Variants in ANO3 observed in about 807,000 individuals in gnomAD.
ANO3 encodes anoctamin-3.
ANO3 carries 99 observed loss-of-function variants against 144.8 expected under a neutral mutation model. That is an observed-to-expected ratio of 0.68 (90% CI 0.58 to 0.81). The LOEUF is 0.81. Ranked by LOEUF, ANO3 falls within the 30% of genes least tolerant of loss-of-function variation. ANO3 has a pLI of 0.00. For synonymous variants in ANO3, 414 were observed against 392.6 expected, an observed-to-expected ratio of 1.05 and a Z score of -0.64; for missense variants, 905 against 1,202.2, an observed-to-expected ratio of 0.75 and a Z score of 3.66.
intron 11 of ANO3, among the ~76,000 whole-genome samples, 179 bp downstream of exon 11, chr11:26,542,247 G>A (rs907281300): frequency 7.9e-5 from 12 of 152,102 alleles, no homozygotes; most frequent in African/African-American, 2.2e-4. Context: ...GGATGGGAGA[G>A]CTGAGAAATC....
At chr11:26,291,596 C>T (rs1333108813) in intron 1 of ANO3, among the ~76,000 whole-genome samples, 1 of 152,158 alleles carries the variant, frequency 6.6e-6, no homozygotes, top group East Asian at 1.9e-4. Flanking sequence ...TCTTGTAAGG[C>T]AGGCCTGGTG....
chr11:26,503,482 T>C (rs1264944463), intron 4 of ANO3, among the ~76,000 whole-genome samples: 2 of 152,168 alleles, frequency 1.3e-5, no homozygotes, highest in African/African-American at 4.8e-5. Flanking sequence ...AGTATACCAC[T>C]ATTAACCTTA....
chr11:26,403,847 G>T (rs1309195640), intron 1 of ANO3, among the ~76,000 whole-genome samples: 4 of 151,736 alleles, frequency 2.6e-5, no homozygotes, highest in African/African-American at 9.7e-5. Flanking sequence ...TAAAATTCAA[G>T]ACCTTTACAC....
chr11:26,462,728 G>A (rs1859458539), intron 3 of ANO3, among the ~76,000 whole-genome samples: 2 of 151,700 alleles, frequency 1.3e-5, no homozygotes, highest in Middle Eastern at 3.4e-3. Context: ...TTTTTTTCAT[G>A]GTTCCAATTT....
chr11:26,205,287 C>T (rs1041137318), intron 1 of ANO3, among the ~76,000 whole-genome samples: 7 of 152,134 alleles, frequency 4.6e-5, no homozygotes, highest in African/African-American at 1.7e-4. Flanking sequence ...AGAGAAAATC[C>T]TCATTTGCAT....
chr11:26,238,907 T>C (rs1198367744), intron 1 of ANO3, among the ~76,000 whole-genome samples: 2 of 151,878 alleles, frequency 1.3e-5, no homozygotes, highest in African/African-American at 4.8e-5. Flanking sequence ...ATTTGGAAAA[T>C]GTAAATAAAA....
intron 1 of ANO3, among the ~76,000 whole-genome samples, chr11:26,327,025 C>G (rs1854902422): frequency 6.6e-6 from 1 of 152,108 alleles, no homozygotes; most frequent in Non-Finnish European, 1.5e-5. Flanking sequence ...GAAATAAAGT[C>G]ATGAAGCTAT....
At chr11:26,495,126 A>C (rs141362984) in intron 4 of ANO3, among the ~76,000 whole-genome samples, 77 of 132,736 alleles carry the variant, frequency 5.8e-4, no homozygotes, top group African/African-American at 2.2e-3. Flanking sequence ...TTTATTTGAG[A>C]CAGGGTCTTG....
intron 1 of ANO3, among the ~76,000 whole-genome samples, chr11:26,338,538 A>C (rs1423179352): frequency 6.6e-6 from 1 of 152,198 alleles, no homozygotes; most frequent in East Asian, 1.9e-4. Flanking sequence ...GCAGCAACCC[A>C]CTGGGGTCCC....
At chr11:26,370,278 T>C (rs1856212244) in intron 1 of ANO3, among the ~76,000 whole-genome samples, 1 of 152,198 alleles carries the variant, frequency 6.6e-6, no homozygotes, top group African/African-American at 2.4e-5. Flanking sequence ...TCAGCTCTCA[T>C]TAATCTTTTT....
intron 2 of ANO3, among the ~76,000 whole-genome samples, chr11:26,442,698 C>A (rs1858564412): frequency 6.6e-6 from 1 of 152,172 alleles, no homozygotes; most frequent in Non-Finnish European, 1.5e-5. Flanking sequence ...CTTTAGACAA[C>A]TCCCTTTTAT....
At chr11:26,374,483 G>A (rs552173319) in intron 1 of ANO3, among the ~76,000 whole-genome samples, 37 of 152,252 alleles carry the variant, frequency 2.4e-4, no homozygotes, top group African/African-American at 8.9e-4. Context: ...AAAGATCACA[G>A]AACTTGGACA....
intron 1 of ANO3, among the ~76,000 whole-genome samples, chr11:26,193,801 G>T (rs1382859704): frequency 6.6e-6 from 1 of 152,098 alleles, no homozygotes; most frequent in Non-Finnish European, 1.5e-5. Context: ...GACAGAAGTA[G>T]AAGTTGCCTA....
intron 3 of ANO3, among the ~76,000 whole-genome samples, chr11:26,459,516 C>G (rs959121952): frequency 2.6e-5 from 4 of 151,648 alleles, no homozygotes; most frequent in African/African-American, 9.7e-5. Context: ...ATTGAATGAA[C>G]TATGTGTCAG....
chr11:26,346,608 G>C (rs1855501722), intron 1 of ANO3, among the ~76,000 whole-genome samples: 1 of 152,170 alleles, frequency 6.6e-6, no homozygotes, highest in Non-Finnish European at 1.5e-5. Context: ...ATTGGGATTG[G>C]AAATGACAAG....
At chr11:26,632,053 A>G (rs966604257) in intron 18 of ANO3, among the ~76,000 whole-genome samples, 1 of 151,842 alleles carries the variant, frequency 6.6e-6, no homozygotes, top group African/African-American at 2.4e-5. Context: ...TTAGCCAAGC[A>G]TGGTGTCGGG....
At chr11:26,351,862 T>A (rs1855653459) in intron 1 of ANO3, among the ~76,000 whole-genome samples, 1 of 152,190 alleles carries the variant, frequency 6.6e-6, no homozygotes, top group African/African-American at 2.4e-5. Context: ...GGATCCTAGT[T>A]TGACCGCACT....
rs920860902 is a variant in ANO3 at position 26,332,168 on chromosome 11, A to G, written c.-108A>G. The G allele has an allele frequency of 3.8e-6, 6 of 1,599,736 alleles. No individual in the cohort carries two copies. The African/African-American group carries it at 4.0e-5, about 11-fold the overall frequency. ...CCGGCTACAGCAGGTGTCGGATTGCAGTGCGCTCGCTGAGGCTCCGGACCT... is the reference window on the plus strand; with the variant it reads ...CCGGCTACAGCAGGTGTCGGATTGCGGTGCGCTCGCTGAGGCTCCGGACCT... On this transcript the variant is annotated 5_prime_UTR_variant, in exon 1 of 27. Transcript: ENST00000256737.
In ANO3 at chr11:26,222,983, A is replaced by G. The variant is rs574625083; in HGVS notation, c.154+33653A>G. Reference sequence around the variant, plus strand: ...ATTAGCTGTCAGCTCCCTTTTAGACATGCTAATCTTTCTAGCAAGTAGTTG... The same window carrying G: ...ATTAGCTGTCAGCTCCCTTTTAGACGTGCTAATCTTTCTAGCAAGTAGTTG... On this transcript the variant is annotated intron_variant, in intron 1 of 27. Coordinates refer to the ANO3 transcript ENST00000672621. Among the ~76,000 whole-genome samples the G allele has an allele frequency of 2.6e-5, 4 of 151,234 alleles. No individual in the cohort carries two copies. The East Asian group carries it at 7.8e-4, about 29-fold the overall frequency.
Sources: allele counts gnomAD v4.1 joint callset (sites outside exome capture counted in the v4.1 genomes callset), GRCh38; gene constraint gnomAD v4.1.1; transcripts MANE v1.5; gene names NCBI Gene and HGNC (gene_info 2026-07-23, HGNC 2026-07-21).